Variants in HAO2 observed in about 807,000 individuals in gnomAD.
The protein encoded by HAO2 is 2-Hydroxyacid oxidase 2.
Under a neutral mutation model 37.4 loss-of-function variants are expected in HAO2, and 42 were observed. The ratio of observed to expected loss-of-function variants is 1.12; its 90% CI spans 0.88 to 1.45. The LOEUF (loss-of-function observed/expected upper bound fraction) is 1.45. HAO2 is among the 40% of genes most tolerant of loss of function. HAO2 has a pLI of 0.00. For missense variants in HAO2, 476 were observed against 430.2 expected (o/e 1.11, Z -0.94); for synonymous variants, 180 against 162.8 (o/e 1.11, Z -0.81).
At chr1:119,390,213 C>T (rs72691186) in intron 5 of HAO2, among the ~76,000 whole-genome samples, 3,976 of 152,174 alleles carry the variant, frequency 0.026, 73 homozygotes, top group Middle Eastern at 0.054. Flanking sequence ...AATTCATGTC[C>T]AAATAAAAGA....
At chr1:119,385,356 C>T (rs1186040827) in intron 4 of HAO2, 25 of 984,464 alleles carry the variant, frequency 2.5e-5, no homozygotes, top group East Asian at 1.1e-4. Flanking sequence ...TATTTTTGCA[C>T]GAACTGGAGA....
In HAO2 at chr1:119,392,240, G is replaced by C. The variant is rs1468173366; in HGVS notation, c.902G>C (p.Arg301Thr). 6.2e-7 allele frequency: 1 copy of C among 1,613,074 alleles called. No homozygotes were observed. Among genetic ancestry groups the C allele is most frequent in the African/African-American group, 1.3e-5 (1 of 74,884 alleles). The change falls in exon 6 of 8, where the codon AGA (arginine) becomes ACA (threonine). Residue 301 changes from arginine to threonine, a missense_variant. Arg to Thr is a moderately conservative substitution (Grantham distance 71, BLOSUM62 -1). Transcript: ENST00000325945. ...GGAGCTAAGTGCATTTTTCTTGGGA[G>C]ACCAATCCTATGGGGCCTTGCCTGC... is the stretch of plus-strand genomic sequence containing the variant. Reference protein sequence around the residue: ...ALGAKCIFLGRPILWGLACKG... With the variant: ...ALGAKCIFLGTPILWGLACKG...
chr1:119,390,385 G>A lies in HAO2; in HGVS notation c.772-1725G>A, dbSNP rs113066905. Among the ~76,000 whole-genome samples, 753 of 152,254 alleles carry A rather than the reference G, an allele frequency of 4.9e-3. 5 individuals carry two copies. The highest frequency in any genetic ancestry group is 0.016 in the African/African-American group (683 of 41,548). Reference sequence around the variant, plus strand: ...TCCTGCCTTAGCCTCCCAAGTAGCTGGGATTACAGGCACTGGCCACCACGC... The same window carrying A: ...TCCTGCCTTAGCCTCCCAAGTAGCTAGGATTACAGGCACTGGCCACCACGC... On this transcript the variant is annotated intron_variant, in intron 5 of 7. Transcript: ENST00000325945.
In HAO2 at chr1:119,386,790, T is replaced by G; in HGVS notation, c.730T>G (p.Ser244Ala). The change falls in exon 5 of 8, where the codon TCC (serine) becomes GCC (alanine). Residue 244 changes from serine (S) to alanine (A), a missense_variant. Transcript: ENST00000325945. ...GCACAATGTCCAGGGTATCATTGTT[T>G]CCAACCATGGTGGGAGGCAGCTTGA... is the stretch of plus-strand genomic sequence containing the variant. ...VKHNVQGIIV[S>A]NHGGRQLDEV... 6.2e-7 allele frequency: 1 copy of G among 1,613,630 alleles called. No homozygotes were observed. Among genetic ancestry groups the G allele is most frequent in the Non-Finnish European group, 8.5e-7 (1 of 1,179,588 alleles).
At chr1:119,372,314 G>A (rs1338459170) in intron 1 of HAO2, among the ~76,000 whole-genome samples, 1 of 152,200 alleles carries the variant, frequency 6.6e-6, no homozygotes, top group African/African-American at 2.4e-5. Flanking sequence ...CAGTGGAAAT[G>A]TAAGTAAGAA....
At chr1:119,388,572 G>A (rs1172442968) in intron 5 of HAO2, among the ~76,000 whole-genome samples, 1 of 152,156 alleles carries the variant, frequency 6.6e-6, no homozygotes, top group African/African-American at 2.4e-5. Flanking sequence ...CTTGGAGACA[G>A]CACAAATATC....
intron 1 of HAO2, among the ~76,000 whole-genome samples, chr1:119,376,384 G>A (rs912384285): frequency 6.6e-6 from 1 of 152,210 alleles, no homozygotes; most frequent in South Asian, 2.1e-4. Flanking sequence ...CTCTGCCTCT[G>A]TGGCTTTTCA....
intron 1 of HAO2, among the ~76,000 whole-genome samples, chr1:119,376,806 C>A (rs1275856711): frequency 6.6e-6 from 1 of 152,194 alleles, no homozygotes; most frequent in Non-Finnish European, 1.5e-5. Context: ...GTACTTTGGC[C>A]CCTTTTAGCC....
At chr1:119,374,617 A>G (rs1422267141) in intron 1 of HAO2, among the ~76,000 whole-genome samples, 1 of 152,174 alleles carries the variant, frequency 6.6e-6, no homozygotes, top group Non-Finnish European at 1.5e-5. Flanking sequence ...TCAGAGGCTG[A>G]CTTTTCTCCC....
intron 1 of HAO2, among the ~76,000 whole-genome samples, chr1:119,377,486 G>T (rs1229304449): frequency 6.6e-6 from 1 of 152,154 alleles, no homozygotes; most frequent in African/African-American, 2.4e-5. Flanking sequence ...CCTCCAAACT[G>T]TTCCAACCTC....
intron 4 of HAO2, chr1:119,385,440 C>T (rs1650300113): frequency 1.2e-6 from 1 of 815,178 alleles, no homozygotes; most frequent in Non-Finnish European, 1.5e-6. Flanking sequence ...GGATGGCATA[C>T]ATAGACAAAC....
Position 119,386,636 on chromosome 1 carries a change from T to A in HAO2, c.576T>A (p.Pro192=), listed in dbSNP as rs1313865160. The A allele has an allele frequency of 6.2e-7, 1 of 1,604,126 alleles. No homozygotes were observed. The change falls in exon 5 of 8, where the codon CCT becomes CCA. Residue 192 remains proline, a synonymous_variant. Coordinates refer to ENST00000325945, the MANE Select transcript of HAO2 (RefSeq NM_016527.4). ...LQSPKKGNAI[P]YFQMTPISTS... ...ATTTCCTATAGGGAAATGCAATACC[T>A]TATTTCCAGATGACTCCTATCAGCA... is the stretch of plus-strand genomic sequence containing the variant.
chr1:119,393,660 A>T, intron 7 of HAO2, 125 bp from the exon 8 acceptor site: 1 of 801,246 alleles, frequency 1.2e-6, no homozygotes, highest in Non-Finnish European at 2.2e-6. Context: ...CTGTATGTAA[A>T]CCATTTTATA....
intron 1 of HAO2, among the ~76,000 whole-genome samples, chr1:119,376,561 G>A (rs1649488423): frequency 6.6e-6 from 1 of 152,262 alleles, no homozygotes; most frequent in South Asian, 2.1e-4. Context: ...GACTCTGTGT[G>A]AAGGCTCCAA....
intron 6 of HAO2, 84 bp downstream of exon 6, chr1:119,392,352 T>C (rs1570800319): frequency 8.4e-7 from 1 of 1,197,038 alleles, no homozygotes; most frequent in Non-Finnish European, 1.2e-6. Context: ...TTTCCAAGCT[T>C]AGACATTTTC....
intron 1 of HAO2, among the ~76,000 whole-genome samples, chr1:119,371,841 G>A (rs750686056): frequency 3.9e-5 from 6 of 152,162 alleles, no homozygotes; most frequent in Non-Finnish European, 7.4e-5. Context: ...GAACCATCAT[G>A]CTGCCTCCAG....
rs780483581 is a variant in HAO2 at position 119,384,838 on chromosome 1, A to T, written c.346A>T (p.Ile116Phe). The T allele has an allele frequency of 6.2e-7, 1 of 1,613,830 alleles. No homozygotes were observed. Among genetic ancestry groups the T allele is most frequent in the Non-Finnish European group, 8.5e-7 (1 of 1,179,776 alleles). ...ATTTGCCAGCTGTAGCCTTGAAGAC[A>T]TTGTCATTGCAGCTCCCGAAGGCCT... ...STFASCSLEDIVIAAPEGLRW... is the reference protein window; with the variant it reads ...STFASCSLEDFVIAAPEGLRW... The change falls in exon 4 of 8, where the codon ATT becomes TTT. Residue 116 changes from isoleucine (I) to phenylalanine (F), a missense_variant. Ile to Phe is a conservative substitution (Grantham distance 21, BLOSUM62 0). Coordinates refer to ENST00000325945, the MANE Select transcript of HAO2 (RefSeq NM_016527.4).
In HAO2 at chr1:119,377,380, C is replaced by T. The variant is rs144899558; in HGVS notation, c.-8-3698C>T. On this transcript the variant is annotated intron_variant, in intron 1 of 7. Transcript: ENST00000325945. ...TCTGAGACCACCTCAGCCTGGACTT[C>T]ATTGTCCATATTACTATCAAAATTT... Among the ~76,000 whole-genome samples, 176 of 152,276 alleles carry T rather than the reference C, an allele frequency of 1.2e-3. 3 individuals carry two copies. In the East Asian group the frequency reaches 0.032, roughly 28 times the overall value.
chr1:119,380,647 G>A (rs780301896), intron 1 of HAO2: 10 of 1,456,814 alleles, frequency 6.9e-6, no homozygotes, highest in Non-Finnish European at 9.6e-6. Flanking sequence ...AAAGACAAGA[G>A]GCAGGCATGA....
Sources: allele counts gnomAD v4.1 joint callset (sites outside exome capture counted in the v4.1 genomes callset), GRCh38; gene constraint gnomAD v4.1.1; transcripts MANE v1.5; gene names NCBI Gene and HGNC (gene_info 2026-07-23, HGNC 2026-07-21).